SORCS3: variants seen among roughly 807,000 people sequenced by gnomAD.
The protein encoded by SORCS3 is VPS10 domain-containing receptor SorCS3.
SORCS3 carries 57 observed loss-of-function variants against 146.3 expected under a neutral mutation model. The ratio of observed to expected loss-of-function variants is 0.39; its 90% CI spans 0.31 to 0.49. The LOEUF is 0.49. Ranked by LOEUF, SORCS3 falls within the 20% of genes least tolerant of loss-of-function variation. The pLI is 0.92. For synonymous variants in SORCS3, 653 were observed against 618.5 expected (o/e 1.06, Z -0.83); for missense variants, 1,341 against 1,575.5 (o/e 0.85, Z 2.52).
chr10:105,167,038 T>C (rs2056319673), intron 12 of SORCS3, among the ~76,000 whole-genome samples: 1 of 152,150 alleles, frequency 6.6e-6, no homozygotes, highest in Non-Finnish European at 1.5e-5. Flanking sequence ...GAAAGAGCCC[T>C]GGAAATGCAA....
chr10:105,190,012 T>A (rs2056506163), intron 14 of SORCS3, among the ~76,000 whole-genome samples: 1 of 152,240 alleles, frequency 6.6e-6, no homozygotes, highest in Admixed American at 6.5e-5. Context: ...AACTGTACTT[T>A]CAGTTTTATA....
At chr10:105,090,994 T>C (rs1409682300) in intron 6 of SORCS3, among the ~76,000 whole-genome samples, 2 of 152,172 alleles carry the variant, frequency 1.3e-5, no homozygotes, top group Admixed American at 1.3e-4. Context: ...ATGTTTTATA[T>C]GATTTATTTT....
At chr10:104,831,866 G>A (rs1211892499) in intron 1 of SORCS3, among the ~76,000 whole-genome samples, 1 of 152,154 alleles carries the variant, frequency 6.6e-6, no homozygotes, top group Non-Finnish European at 1.5e-5. Context: ...AGGGGGGTGT[G>A]GAATAGGGAA....
At chr10:104,978,202 C>T (rs756901068) in intron 4 of SORCS3, among the ~76,000 whole-genome samples, 25 of 152,158 alleles carry the variant, frequency 1.6e-4, no homozygotes, top group Non-Finnish European at 2.4e-4. Flanking sequence ...GGCTTAAGTA[C>T]ATGTTATCAG....
At chr10:104,875,791 G>C (rs2133571392) in intron 2 of SORCS3, among the ~76,000 whole-genome samples, 1 of 152,244 alleles carries the variant, frequency 6.6e-6, no homozygotes. Flanking sequence ...CTGCATGCCT[G>C]TCTGATTGAG....
At chr10:104,789,631 A>G (rs1298880141) in intron 1 of SORCS3, among the ~76,000 whole-genome samples, 2 of 152,260 alleles carry the variant, frequency 1.3e-5, no homozygotes, top group Non-Finnish European at 2.9e-5. Flanking sequence ...TACAATTGCT[A>G]AGAAAAGTAA....
intron 8 of SORCS3, among the ~76,000 whole-genome samples, chr10:105,144,619 G>A (rs1416451554): frequency 2.0e-5 from 3 of 152,126 alleles, no homozygotes; most frequent in Non-Finnish European, 2.9e-5. Context: ...ATATAAATAT[G>A]TATGTGATTA....
At chr10:104,682,087 G>C (rs2133265981) in intron 1 of SORCS3, among the ~76,000 whole-genome samples, 1 of 152,316 alleles carries the variant, frequency 6.6e-6, no homozygotes, top group Non-Finnish European at 1.5e-5. Flanking sequence ...CTGGTGGGGG[G>C]AGTATTATAG....
intron 1 of SORCS3, among the ~76,000 whole-genome samples, chr10:104,723,232 A>C (rs1046323657): frequency 3.9e-5 from 6 of 152,190 alleles, no homozygotes; most frequent in African/African-American, 1.2e-4. Context: ...TCATTTCATT[A>C]TGTACCCAGT....
intron 25 of SORCS3, among the ~76,000 whole-genome samples, chr10:105,260,412 C>A (rs970804082): frequency 2.0e-4 from 31 of 152,210 alleles, no homozygotes; most frequent in African/African-American, 7.2e-4. Context: ...ATATAAAGGC[C>A]AGCATTAATT....
intron 2 of SORCS3, among the ~76,000 whole-genome samples, chr10:104,848,038 A>G (rs1304887284): frequency 6.6e-6 from 1 of 152,044 alleles, no homozygotes; most frequent in Non-Finnish European, 1.5e-5. Flanking sequence ...TAGCCTGTGA[A>G]CTTCTCAAGG....
chr10:105,151,696 C>T (rs1254049299), intron 9 of SORCS3, among the ~76,000 whole-genome samples: 1 of 151,786 alleles, frequency 6.6e-6, no homozygotes, highest in Non-Finnish European at 1.5e-5. Context: ...ATCCTTGGAC[C>T]AATGGAGATC....
At chr10:105,159,163 G>A (rs1190107694) in intron 11 of SORCS3, among the ~76,000 whole-genome samples, 169 bp downstream of exon 11, 3 of 152,176 alleles carry the variant, frequency 2.0e-5, no homozygotes, top group African/African-American at 7.2e-5. Flanking sequence ...AACATGCAAA[G>A]AGCTCCAGAC....
At chr10:104,696,248 G>A (rs62646907) in intron 1 of SORCS3, among the ~76,000 whole-genome samples, 27,153 of 31,172 alleles carry the variant, frequency 0.87, 11,758 homozygotes, top group East Asian at 0.95. Flanking sequence ...ATACACATAT[G>A]ATATATGATA....
chr10:104,866,707 A>C (rs901077351), intron 2 of SORCS3, among the ~76,000 whole-genome samples: 2 of 152,128 alleles, frequency 1.3e-5, no homozygotes, highest in Admixed American at 6.5e-5. Context: ...TTCATTGTTC[A>C]TTTCCATTTT....
At chr10:105,166,168 A>C (rs974450745) in intron 12 of SORCS3, among the ~76,000 whole-genome samples, 1 of 152,162 alleles carries the variant, frequency 6.6e-6, no homozygotes, top group African/African-American at 2.4e-5. Context: ...AAAGAGGTTT[A>C]GGACTGAGAA....
At chr10:105,161,435 C>G (rs1285532699) in intron 11 of SORCS3, among the ~76,000 whole-genome samples, 1 of 152,108 alleles carries the variant, frequency 6.6e-6, no homozygotes, top group Non-Finnish European at 1.5e-5. Flanking sequence ...GTCAGTCACC[C>G]TGGGCTCTCT....
intron 1 of SORCS3, among the ~76,000 whole-genome samples, chr10:104,672,905 G>A (rs528623694): frequency 6.6e-6 from 1 of 152,052 alleles, no homozygotes; most frequent in African/African-American, 2.4e-5. Context: ...CTTCAATTTT[G>A]TAATGCTTTT....
At chr10:105,091,706 C>A (rs2133742834) in intron 6 of SORCS3, among the ~76,000 whole-genome samples, 1 of 152,188 alleles carries the variant, frequency 6.6e-6, no homozygotes, top group South Asian at 2.1e-4. Flanking sequence ...CTGTCACACA[C>A]TTAAATTACT....
Sources: allele counts gnomAD v4.1 joint callset (sites outside exome capture counted in the v4.1 genomes callset), GRCh38; gene constraint gnomAD v4.1.1; transcripts MANE v1.5; gene names NCBI Gene and HGNC (gene_info 2026-07-23, HGNC 2026-07-21).